The following EML5 variants were observed in gnomAD, a reference collection of about 807,000 sequenced individuals.
EML5 encodes EMAP like 5.
A neutral mutation model predicts 250.0 loss-of-function variants in EML5; 120 were observed. The observed-to-expected ratio is 0.48, with a 90% CI of 0.41 to 0.56. The LOEUF is 0.56. Ranked by LOEUF, EML5 falls within the 20% of genes least tolerant of loss-of-function variation. The pLI, the probability that EML5 is intolerant of heterozygous loss-of-function variation, is 0.00. For synonymous variants in EML5, 771 were observed against 806.5 expected, an observed-to-expected ratio of 0.96 and a Z score of 0.75; for missense variants, 2,006 against 2,437.6, an observed-to-expected ratio of 0.82 and a Z score of 3.73.
chr14:88,641,866 A>G lies in EML5; in HGVS notation c.4237+1027T>C, dbSNP rs1033670478. On this transcript the variant is annotated intron_variant, in intron 31 of 43. Transcript: ENST00000554922. ...AAAGTAAAAATAAAATTATAAGTAT[A>G]AACATGAGAGTTTACACATACATTC... Among the ~76,000 whole-genome samples, 41 of 152,216 alleles carry G rather than the reference A, an allele frequency of 2.7e-4. 1 individual carries two copies. Among genetic ancestry groups the G allele is most frequent in the Admixed American group, 2.4e-3 (37 of 15,272 alleles).
chr14:88,615,212 A>C lies in EML5; in HGVS notation c.*606T>G, dbSNP rs939622847. On this transcript the variant is annotated 3_prime_UTR_variant, in exon 44 of 44. Transcript: ENST00000554922. Reference sequence around the variant, plus strand: ...AACTTTGGATCTGTTCCTGAATTCAAAACTACTAGGAGAAAAGTGTCCTTT... The same window carrying C: ...AACTTTGGATCTGTTCCTGAATTCACAACTACTAGGAGAAAAGTGTCCTTT... The C allele has an allele frequency of 1.3e-5, 2 of 152,188 alleles. No homozygotes were observed. The highest frequency in any genetic ancestry group is 1.5e-5 in the Non-Finnish European group (1 of 68,024). The allele number at this position is 152,188 out of a possible 1,614,324, so 9.4% of individuals were successfully genotyped here.
chr14:88,688,156 C>T, intron 18 of EML5, 115 bp downstream of exon 18: 1 of 991,492 alleles, frequency 1.0e-6, no homozygotes, highest in Non-Finnish European at 1.5e-6. Flanking sequence ...CCCTAGCCCA[C>T]AGACTACTGC....
chr14:88,767,061 T>C (rs2094330217), intron 1 of EML5, among the ~76,000 whole-genome samples: 1 of 152,228 alleles, frequency 6.6e-6, no homozygotes, highest in Admixed American at 6.5e-5. Flanking sequence ...TTCAGTTATA[T>C]CCTGAGCACT....
At chr14:88,676,800 G>A (rs1269644838) in intron 21 of EML5, among the ~76,000 whole-genome samples, 1 of 152,138 alleles carries the variant, frequency 6.6e-6, no homozygotes, top group Non-Finnish European at 1.5e-5. Context: ...TAGACCAAGG[G>A]AATAGAATAG....
chr14:88,674,161 C>T (rs537834516), intron 21 of EML5, among the ~76,000 whole-genome samples: 2 of 152,230 alleles, frequency 1.3e-5, no homozygotes, highest in African/African-American at 2.4e-5. Flanking sequence ...CTCAGCTACT[C>T]AGGAGGCTGA....
intron 1 of EML5, among the ~76,000 whole-genome samples, chr14:88,763,847 C>T (rs748120829): frequency 6.6e-6 from 1 of 152,156 alleles, no homozygotes; most frequent in Non-Finnish European, 1.5e-5. Flanking sequence ...AGTCTCTCAC[C>T]ATCAGGAATA....
chr14:88,665,510 T>G, intron 21 of EML5, 21 bp from the exon 22 acceptor site: 3 of 1,612,914 alleles, frequency 1.9e-6, no homozygotes, highest in Non-Finnish European at 2.5e-6. Flanking sequence ...AAGAGCATAT[T>G]AGGCAATTTT....
chr14:88,771,625 T>C (rs2094394147), intron 1 of EML5, among the ~76,000 whole-genome samples: 1 of 152,204 alleles, frequency 6.6e-6, no homozygotes. Context: ...CCCTTTATTG[T>C]GTTAACATAC....
chr14:88,706,687 T>TA (rs1232564928), intron 10 of EML5, among the ~76,000 whole-genome samples: 2 of 152,202 alleles, frequency 1.3e-5, no homozygotes, highest in Non-Finnish European at 2.9e-5. Context: ...CAACTGTTTT[T>TA]ATATTAAAAC....
At chr14:88,619,082 T>A (rs1194466792) in intron 39 of EML5, 2 of 241,362 alleles carry the variant, frequency 8.3e-6, no homozygotes, top group African/African-American at 4.5e-5. Flanking sequence ...AAAACTTTCT[T>A]AGGCCAGGCC....
At chr14:88,649,803 G>A in intron 28 of EML5, 109 bp downstream of exon 28, 3 of 877,072 alleles carry the variant, frequency 3.4e-6, no homozygotes, top group Non-Finnish European at 5.1e-6. Context: ...ATGCTTTGTT[G>A]ACAAATGTAG....
At position 88,634,955 on chromosome 14, in the gene EML5, C is replaced by T. The variant is rs527977172; in HGVS notation, c.4337-466G>A. ...CTCTGTCTCCAGGGAAGAATTAGAT[C>T]TAAACCTTCTGAGCTGAGAGACATG... On this transcript the variant is annotated intron_variant, in intron 32 of 43. Coordinates refer to ENST00000554922, the MANE Select transcript of EML5 (RefSeq NM_183387.3). Among the ~76,000 whole-genome samples the T allele has an allele frequency of 2.0e-5, 3 of 152,186 alleles. 1 individual carries two copies. The highest frequency in any genetic ancestry group is 7.2e-5 in the African/African-American group (3 of 41,514).
At chr14:88,699,052 G>A (rs2093147095) in intron 14 of EML5, among the ~76,000 whole-genome samples, 1 of 152,172 alleles carries the variant, frequency 6.6e-6, no homozygotes, top group Non-Finnish European at 1.5e-5. Flanking sequence ...ACAGTATTTA[G>A]TATAATATTG....
At chr14:88,616,391 G>A (rs2087619040) in intron 42 of EML5, 149 bp from the exon 43 acceptor site, 1 of 756,542 alleles carries the variant, frequency 1.3e-6, no homozygotes, top group African/African-American at 1.7e-5. Context: ...TTCAGCATGA[G>A]TAGTGGATCT....
chr14:88,694,928 A>T (rs2093041612), intron 16 of EML5, among the ~76,000 whole-genome samples: 1 of 152,170 alleles, frequency 6.6e-6, no homozygotes, highest in Admixed American at 6.5e-5. Flanking sequence ...TAAAAAATAC[A>T]TGCTCACTGT....
At chr14:88,758,961 TAAAG>T (rs2094200113) in intron 1 of EML5, among the ~76,000 whole-genome samples, 1 of 152,192 alleles carries the variant, frequency 6.6e-6, no homozygotes, top group East Asian at 1.9e-4. Context: ...TGCAAATCCA[TAAAG>T]AAAGTAGATT....
chr14:88,626,740 T>TCC, intron 35 of EML5, 98 bp downstream of exon 35: 1 of 1,206,484 alleles, frequency 8.3e-7, no homozygotes, highest in Non-Finnish European at 1.2e-6. Context: ...GATTAGCAGA[T>TCC]CACAGTATCA....
intron 14 of EML5, among the ~76,000 whole-genome samples, chr14:88,699,495 A>G (rs1391381454): frequency 1.3e-5 from 2 of 152,108 alleles, no homozygotes; most frequent in East Asian, 3.9e-4. Context: ...GGCTATTTAG[A>G]CAGCTGTTTA....
intron 2 of EML5, among the ~76,000 whole-genome samples, chr14:88,749,666 T>C (rs4904466): frequency 0.15 from 22,284 of 152,186 alleles, 1,933 homozygotes; most frequent in East Asian, 0.28. Context: ...TACTTTTTCA[T>C]ATTCTTTCCA....
Sources: allele counts gnomAD v4.1 joint callset (sites outside exome capture counted in the v4.1 genomes callset), GRCh38; gene constraint gnomAD v4.1.1; transcripts MANE v1.5; gene names NCBI Gene and HGNC (gene_info 2026-07-23, HGNC 2026-07-21).